The following BBS12 variants were observed in gnomAD, a reference collection of about 807,000 sequenced individuals.
BBS12 encodes chaperonin-containing T-complex member BBS12.
A neutral mutation model predicts 5.6 loss-of-function variants in BBS12; 5 were observed. That is an observed-to-expected ratio of 0.89 (90% CI 0.46 to 1.86). The LOEUF (loss-of-function observed/expected upper bound fraction) is 1.86, where lower values mean the gene tolerates loss of function less well. BBS12 is among the 40% of genes most tolerant of loss of function. BBS12 has a pLI of 0.01. For synonymous variants in BBS12, 308 were observed against 306.8 expected, an observed-to-expected ratio of 1.00 and a Z score of -0.04; for missense variants, 748 against 830.4, an observed-to-expected ratio of 0.90 and a Z score of 1.22.
intron 1 of BBS12, among the ~76,000 whole-genome samples, chr4:122,739,619 G>A (rs888361056): frequency 6.6e-6 from 1 of 152,242 alleles, no homozygotes; most frequent in African/African-American, 2.4e-5. Context: ...ACCTTTGTGT[G>A]GCCAAGTGGG....
At chr4:122,717,865 C>T in the BBS12 span, among the ~76,000 whole-genome samples, 2 of 152,284 alleles carry the variant, frequency 1.3e-5, no homozygotes, top group South Asian at 2.1e-4. Flanking sequence ...GAGCTATCAG[C>T]CTCTCCCATT....
the BBS12 span, among the ~76,000 whole-genome samples, chr4:122,724,264 C>T: frequency 6.6e-6 from 1 of 152,262 alleles, no homozygotes; most frequent in East Asian, 1.9e-4. Context: ...TCTCAAAGGT[C>T]AACTGGAAAA....
At chr4:122,734,226 T>G (rs1219370341) in intron 1 of BBS12, 1 of 152,198 alleles carries the variant, frequency 6.6e-6, no homozygotes, top group East Asian at 1.9e-4. Flanking sequence ...TCACGTCATT[T>G]ATCTCACTTG....
At chr4:122,716,081 A>G in the BBS12 span, among the ~76,000 whole-genome samples, 1 of 152,216 alleles carries the variant, frequency 6.6e-6, no homozygotes, top group African/African-American at 2.4e-5. Flanking sequence ...TAAAGTATAC[A>G]GTGTAACAAC....
At chr4:122,737,682 A>C (rs945270695) in intron 1 of BBS12, among the ~76,000 whole-genome samples, 4 of 152,224 alleles carry the variant, frequency 2.6e-5, no homozygotes, top group Non-Finnish European at 5.9e-5. Flanking sequence ...CATTTACAAA[A>C]GTTAATTTAA....
At chr4:122,708,843 AATC>A in the BBS12 span, among the ~76,000 whole-genome samples, 10 of 150,094 alleles carry the variant, frequency 6.7e-5, no homozygotes, top group Admixed American at 1.3e-4. Flanking sequence ...AATTTTTAAA[AATC>A]ATACAGCAAG....
chr4:122,721,355 G>A, the BBS12 span, among the ~76,000 whole-genome samples: 1 of 152,144 alleles, frequency 6.6e-6, no homozygotes, highest in Admixed American at 6.5e-5. Flanking sequence ...GTAGATGAGG[G>A]AGATAAACAG....
chr4:122,716,603 A>T, the BBS12 span, among the ~76,000 whole-genome samples: 2 of 110,790 alleles, frequency 1.8e-5, no homozygotes, highest in African/African-American at 5.0e-5. Context: ...GTATGTATAC[A>T]CACATGTGTG....
the BBS12 span, among the ~76,000 whole-genome samples, chr4:122,709,780 G>A: frequency 6.6e-5 from 10 of 151,826 alleles, no homozygotes; most frequent in African/African-American, 1.2e-4. Flanking sequence ...TCAGCCTCCC[G>A]AGTAGCTGGG....
chr4:122,731,140 G>A (rs1473220945), upstream of BBS12: 2 of 152,174 alleles, frequency 1.3e-5, no homozygotes, highest in Non-Finnish European at 2.9e-5. Flanking sequence ...AGCTTGCTAA[G>A]GTGGAGAAGG....
chr4:122,733,554 T>C (rs1285565182), intron 1 of BBS12, among the ~76,000 whole-genome samples: 1 of 152,200 alleles, frequency 6.6e-6, no homozygotes, highest in African/African-American at 2.4e-5. Context: ...TAGATTTAGA[T>C]ACTTGTGAAA....
At chr4:122,706,576 G>GA in the BBS12 span, among the ~76,000 whole-genome samples, 10 of 151,224 alleles carry the variant, frequency 6.6e-5, no homozygotes, top group South Asian at 2.1e-4. Context: ...TCTCAGAAAA[G>GA]AAAAAAAAAT....
At chr4:122,713,927 A>C in the BBS12 span, among the ~76,000 whole-genome samples, 1 of 152,196 alleles carries the variant, frequency 6.6e-6, no homozygotes, top group South Asian at 2.1e-4. Flanking sequence ...AAATTTTACA[A>C]CTACTTTGGG....
chr4:122,708,985 A>G, the BBS12 span, among the ~76,000 whole-genome samples: 1 of 152,318 alleles, frequency 6.6e-6, no homozygotes, highest in South Asian at 2.1e-4. Flanking sequence ...AAGGATGAAA[A>G]AAGCATGTGC....
the BBS12 span, among the ~76,000 whole-genome samples, chr4:122,701,606 G>A: frequency 1.3e-5 from 2 of 152,250 alleles, no homozygotes; most frequent in East Asian, 3.9e-4. Context: ...CCTCTAATGT[G>A]GAAGTCAAGT....
rs757014641 is a variant in BBS12 at position 122,743,577 on chromosome 4, A to G, written c.1685A>G (p.Asn562Ser). Residue 562 changes from asparagine (N) to serine (S), a missense_variant, in exon 2 of 2, where the codon AAC becomes AGC. Transcript: ENST00000314218. ...ILAEQSLKKE[N>S]HACSGWLHNT... ...GCAGAGCAATCTCTGAAAAAAGAAA[A>G]CCATGCCTGCTCAGGGTGGCTGCAT... The G allele has an allele frequency of 2.5e-6, 4 of 1,614,090 alleles. No individual in the cohort carries two copies. The South Asian group carries it at 3.3e-5, about 13-fold the overall frequency.
intron 1 of BBS12, among the ~76,000 whole-genome samples, chr4:122,736,844 T>C (rs781011953): frequency 6.6e-6 from 1 of 152,200 alleles, no homozygotes; most frequent in Non-Finnish European, 1.5e-5. Flanking sequence ...TATAGCCGAC[T>C]GTAACCTGTT....
chr4:122,702,020 G>T, the BBS12 span, among the ~76,000 whole-genome samples: 1 of 152,042 alleles, frequency 6.6e-6, no homozygotes, highest in Admixed American at 6.6e-5. Context: ...CTCATGGAAA[G>T]GGAGAAAAAA....
intron 1 of BBS12, among the ~76,000 whole-genome samples, chr4:122,733,519 T>G (rs1379928842): frequency 1.3e-5 from 2 of 152,102 alleles, no homozygotes; most frequent in African/African-American, 4.8e-5. Flanking sequence ...GGTAGTCTGA[T>G]TATCCAGTTG....
Sources: gnomAD v4.1 joint callset for allele counts (sites outside exome capture counted in the v4.1 genomes callset) on GRCh38, gnomAD v4.1.1 for gene constraint, MANE v1.5 for transcripts, NCBI Gene and HGNC (gene_info 2026-07-23, HGNC 2026-07-21) for gene names.